C4orf50: variants seen among roughly 807,000 people sequenced by gnomAD.
C4orf50 encodes the protein uncharacterized protein C4orf50.
In C4orf50, 80 loss-of-function variants were observed where a neutral mutation model predicts 77.2. That is an observed-to-expected ratio of 1.04 (90% CI 0.87 to 1.25). C4orf50 has a LOEUF of 1.25. C4orf50 is among the 50% of genes most tolerant of loss of function. C4orf50 has a pLI of 0.00. For synonymous variants in C4orf50, 532 were observed against 465.3 expected (o/e 1.14, Z -1.84); for missense variants, 1,257 against 1,152.9 (o/e 1.09, Z -1.31).
intron 28 of C4orf50, among the ~76,000 whole-genome samples, chr4:5,981,191 G>A (rs930170467): frequency 6.6e-6 from 1 of 151,920 alleles, no homozygotes; most frequent in Admixed American, 6.6e-5. Context: ...CGTGTTCTGG[G>A]CGTTTTTCCA....
rs1716345630 is a variant in C4orf50, at chr4:5,901,559, T to C, written c.*2475-3371A>G. 6.6e-6 allele frequency: 1 copy of C among 152,210 alleles called. No homozygotes were observed. Among genetic ancestry groups the C allele is most frequent in the South Asian group, 2.1e-4 (1 of 4,824 alleles). The allele number at this position is 152,210 out of a possible 1,614,324, so 9.4% of individuals were successfully genotyped here. ...AAATAACACCAATCCTGTATATACA[T>C]GTAGATCTTAAGAGTTTACAAAGGG... On this transcript the variant is annotated intron_variant, in intron 7 of 7. Transcript: ENST00000324058. The surrounding 1 kb of genome is among the most constrained non-coding windows in gnomAD (Gnocchi z 4.4).
intron 7 of C4orf50, among the ~76,000 whole-genome samples, chr4:5,936,146 G>A (rs1287869114): frequency 6.6e-6 from 1 of 151,444 alleles, no homozygotes; most frequent in African/African-American, 2.4e-5. Context: ...CTAAAGTACA[G>A]AAAGATCACA....
At position 6,015,134 on chromosome 4, in the gene C4orf50, G is replaced by C. The variant is rs1194500131; in HGVS notation, c.287+3011C>G. On this transcript the variant is annotated intron_variant, in intron 23 of 33. Coordinates refer to ENST00000531445, the Ensembl canonical transcript of C4orf50. The surrounding 1 kb of genome is among the most constrained non-coding windows in gnomAD (Gnocchi z 4.4). ...GCCTTCCCCAACTCTCAGCACCCAG[G>C]ACTTCTGTTATGGGCTCAACACATC... is the stretch of plus-strand genomic sequence containing the variant. Among the ~76,000 whole-genome samples the C allele has an allele frequency of 6.6e-6, 1 of 152,142 alleles. No individual in the cohort carries two copies. Among genetic ancestry groups the C allele is most frequent in the African/African-American group, 2.4e-5 (1 of 41,428 alleles).
At chr4:5,993,616 C>T (rs562591228) in intron 26 of C4orf50, among the ~76,000 whole-genome samples, 7 of 152,096 alleles carry the variant, frequency 4.6e-5, no homozygotes, top group South Asian at 4.2e-4. Context: ...CAGGAGTTCA[C>T]GACCAGCCTG....
chr4:5,984,741 C>T (rs1330000363), intron 28 of C4orf50, among the ~76,000 whole-genome samples: 1 of 151,074 alleles, frequency 6.6e-6, no homozygotes, highest in Non-Finnish European at 1.5e-5. Flanking sequence ...GTCTGAATTT[C>T]TAGAAGGAGA....
At chr4:5,909,214 A>G (rs1045865355) in intron 7 of C4orf50, among the ~76,000 whole-genome samples, 2 of 152,138 alleles carry the variant, frequency 1.3e-5, no homozygotes, top group South Asian at 2.1e-4. Flanking sequence ...AAACCCTTCT[A>G]CGTCATGCAG....
intron 7 of C4orf50, among the ~76,000 whole-genome samples, chr4:5,945,301 T>C (rs1010133693): frequency 7.2e-5 from 11 of 152,218 alleles, no homozygotes; most frequent in African/African-American, 2.4e-4. Flanking sequence ...CTATTCACGA[T>C]TCAGCTTGGT....
intron 31 of C4orf50, among the ~76,000 whole-genome samples, chr4:5,968,898 TG>T (rs1296416698): frequency 1.3e-5 from 2 of 152,150 alleles, no homozygotes; most frequent in African/African-American, 4.8e-5. Context: ...GGTATGTGGT[TG>T]GGGTGCAAGG....
Position 5,932,782 on chromosome 4 carries a change from G to T in C4orf50, c.*2474+24119C>A, listed in dbSNP as rs1391426733. Among the ~76,000 whole-genome samples, 1 of 152,130 alleles carries T rather than the reference G, an allele frequency of 6.6e-6. No individual in the cohort carries two copies. The highest frequency in any genetic ancestry group is 1.9e-4 in the East Asian group (1 of 5,186). ...GCAAGAGAGCTGGATTTCAATCCCA[G>T]ATCAGCAGAAATAGAAGGCATCTTT... On this transcript the variant is annotated intron_variant, in intron 7 of 7. Coordinates refer to the C4orf50 transcript ENST00000324058. This position sits in a 1 kb window ranked among gnomAD's most constrained non-coding sequence, Gnocchi z 4.2.
chr4:5,987,712 A>T (rs954322497), intron 28 of C4orf50, among the ~76,000 whole-genome samples: 9 of 152,008 alleles, frequency 5.9e-5, no homozygotes, highest in Non-Finnish European at 1.3e-4. Context: ...ATAGAGATAG[A>T]AAATGGAATG....
At chr4:5,967,576 T>A (rs6446421) in intron 31 of C4orf50, 114 bp from the exon 10 acceptor site, 564,244 of 872,838 alleles carry the variant, frequency 0.65, 190,103 homozygotes, top group African/African-American at 0.83. Context: ...AAAAAACCGC[T>A]TTCTGTGTAG....
At chr4:5,993,882 T>G (rs114366012) in intron 26 of C4orf50, among the ~76,000 whole-genome samples, 1,676 of 148,442 alleles carry the variant, frequency 0.011, 20 homozygotes, top group Non-Finnish European at 0.016. Flanking sequence ...GAGAGAGAGA[T>G]ATTGGTTCAC....
intron 7 of C4orf50, among the ~76,000 whole-genome samples, chr4:5,938,087 T>C (rs911511356): frequency 6.6e-6 from 1 of 152,324 alleles, no homozygotes; most frequent in Admixed American, 6.5e-5. Flanking sequence ...TGGACGTATA[T>C]ATAAAGTCTG....
intron 7 of C4orf50, among the ~76,000 whole-genome samples, chr4:5,948,168 A>C (rs1295918038): frequency 6.6e-6 from 1 of 152,212 alleles, no homozygotes; most frequent in Admixed American, 6.5e-5. Context: ...AGACTGAGAG[A>C]GCAAGGCTCA....
At chr4:5,981,474 G>C (rs376250989) in intron 28 of C4orf50, among the ~76,000 whole-genome samples, 2 of 147,660 alleles carry the variant, frequency 1.4e-5, no homozygotes, top group Non-Finnish European at 3.0e-5. Flanking sequence ...GCATGACCTC[G>C]GCTCACCGCA....
rs763836859 is a variant in C4orf50 at position 5,975,139 on chromosome 4, C to CAA, written c.3921+758_3921+759dup. Among the ~76,000 whole-genome samples, 10 of 82,826 alleles carry CAA rather than the reference C, an allele frequency of 1.2e-4. 1 individual carries two copies. The East Asian group carries it at 3.4e-3, about 28-fold the overall frequency. The allele number at this position is 82,826 out of a possible 152,430, so 54.3% of individuals were successfully genotyped here. ...TGGGCGACAGAGTGACACTCCATCT[C>CAA]AAAAAAAAAAAAAAAAAAAAAAAAA... On this transcript the variant is annotated intron_variant, in intron 30 of 33. Transcript: ENST00000531445.
At chr4:5,978,475 A>G (rs375054635) in intron 29 of C4orf50, among the ~76,000 whole-genome samples, 12 of 152,368 alleles carry the variant, frequency 7.9e-5, no homozygotes, top group African/African-American at 2.9e-4. Flanking sequence ...GAGCAGAAAG[A>G]AAAAAGAATG....
exon 28 of C4orf50, chr4:5,989,692 T>A (rs1397652241): frequency 6.5e-7 from 1 of 1,536,030 alleles, no homozygotes; most frequent in African/African-American, 1.4e-5. Flanking sequence ...ATGACCATGA[T>A]CAGTGGGTTC....
At chr4:5,996,988 A>G (rs1044239936) in intron 25 of C4orf50, among the ~76,000 whole-genome samples, 6 of 152,222 alleles carry the variant, frequency 3.9e-5, no homozygotes, top group Non-Finnish European at 8.8e-5. Flanking sequence ...AAAAGAGAAA[A>G]TGAGAGAGAA....
Sources: gnomAD v4.1 joint callset for allele counts (sites outside exome capture counted in the v4.1 genomes callset) on GRCh38, gnomAD v4.1.1 for gene constraint, Gnocchi (gnomAD v3.1) non-coding constraint, MANE v1.5 for transcripts, NCBI Gene and HGNC (gene_info 2026-07-23, HGNC 2026-07-21) for gene names.